The following RPS6KA4 variants were observed in gnomAD, a reference collection of about 807,000 sequenced individuals.
The protein encoded by RPS6KA4 is ribosomal protein S6 kinase alpha-4.
In RPS6KA4, 38 loss-of-function variants were observed where a neutral mutation model predicts 89.6. That is an observed-to-expected ratio of 0.42 (90% CI 0.33 to 0.56). The LOEUF (loss-of-function observed/expected upper bound fraction) is 0.56, where lower values mean the gene tolerates loss of function less well. Ranked by LOEUF, RPS6KA4 falls within the 20% of genes least tolerant of loss-of-function variation. RPS6KA4 has a pLI of 0.07. For synonymous variants in RPS6KA4, 495 were observed against 492.8 expected (o/e 1.00, Z -0.06); for missense variants, 873 against 1,098.8 (o/e 0.79, Z 2.90).
At position 64,360,396 on chromosome 11, in the gene RPS6KA4, C is replaced by A; in HGVS notation, c.346+15C>A. ...CCTCATCCTGGGTGAGCGCACACCACATCCCAACGGGGTTGGGGTGGCTGG... is the reference window on the plus strand; with the variant it reads ...CCTCATCCTGGGTGAGCGCACACCAAATCCCAACGGGGTTGGGGTGGCTGG... On this transcript the variant is annotated intron_variant, in intron 3 of 16. Coordinates refer to ENST00000334205, the MANE Select transcript of RPS6KA4 (RefSeq NM_003942.3). 2.6e-6 allele frequency: 4 copies of A among 1,556,318 alleles called. No homozygotes were observed. The highest frequency in any genetic ancestry group is 3.5e-6 in the Non-Finnish European group (4 of 1,149,734).
In RPS6KA4 at chr11:64,371,805, T is replaced by A; in HGVS notation, c.*325T>A. 7.9e-6 allele frequency: 2 copies of A among 254,688 alleles called. No homozygotes were observed. Among genetic ancestry groups the A allele is most frequent in the Non-Finnish European group, 1.5e-5 (2 of 133,294 alleles). 15.8% of individuals were successfully genotyped at this position (254,688 alleles called of 1,614,324 possible). On this transcript the variant is annotated 3_prime_UTR_variant, in exon 17 of 17. Transcript: ENST00000334205. ...GAGCCCCTCCCCCACTTCTAAGCAC[T>A]GAGTTAGGAGTGCTAACTCCTAAAC...
intron 9 of RPS6KA4, 21 bp from the exon 10 acceptor site, chr11:64,368,111 C>T: frequency 6.2e-7 from 1 of 1,612,080 alleles, no homozygotes. Flanking sequence ...CATGCCCATT[C>T]CCCGGACTCC....
chr11:64,366,716 T>C (rs1292214663), intron 9 of RPS6KA4, among the ~76,000 whole-genome samples: 1 of 152,222 alleles, frequency 6.6e-6, no homozygotes, highest in African/African-American at 2.4e-5. Flanking sequence ...ATGGCAAGCT[T>C]CTACCCCTCT....
chr11:64,360,076 C>T (rs771252448), intron 2 of RPS6KA4, 87 bp from the exon 3 acceptor site: 32 of 1,290,140 alleles, frequency 2.5e-5, no homozygotes, highest in Non-Finnish European at 3.3e-5. Flanking sequence ...TTTGCACACC[C>T]TCCTGGGTTG....
chr11:64,370,640 G>A lies in RPS6KA4; in HGVS notation c.2035G>A (p.Ala679Thr). Residue 679 changes from alanine (A) to threonine (T), a missense_variant, in exon 16 of 17, where the codon GCG becomes ACG. By Grantham distance (58) the Ala-to-Thr change is moderately conservative. Transcript: ENST00000334205. The surrounding 1 kb of genome is among the most constrained non-coding windows in gnomAD (Gnocchi z 4.1). ...CAGCTCGTGGCTGCAGGACGGCAGC[G>A]CGCGCTCCTCGCCCCCGCTCCGGAC... The part of the protein sequence containing the change: ...RGSSWLQDGS[A>T]RSSPPLRTPD... 10 of 1,574,534 alleles carry A rather than the reference G, an allele frequency of 6.4e-6. No individual in the cohort carries two copies. The highest frequency in any genetic ancestry group is 3.5e-5 in the Admixed American group (2 of 56,994).
At chr11:64,364,157 A>AT (rs57640367) in intron 8 of RPS6KA4, among the ~76,000 whole-genome samples, 6 of 143,122 alleles carry the variant, frequency 4.2e-5, no homozygotes, top group African/African-American at 1.5e-4. Context: ...TTTTTTTTTA[A>AT]TTTTTTTTTT....
intron 2 of RPS6KA4, 60 bp from the exon 3 acceptor site, chr11:64,360,103 C>T (rs1300646430): frequency 1.4e-6 from 2 of 1,480,456 alleles, no homozygotes; most frequent in Non-Finnish European, 1.8e-6. Flanking sequence ...CCCCCACCCC[C>T]CAAGCCTGCA....
At position 64,371,312 on chromosome 11, in the gene RPS6KA4, C is replaced by G. The variant is rs1197280301; in HGVS notation, c.2151C>G (p.Phe717Leu). 6.2e-7 allele frequency: 1 copy of G among 1,612,846 alleles called. No individual in the cohort carries two copies. Among genetic ancestry groups the G allele is most frequent in the Non-Finnish European group, 8.5e-7 (1 of 1,179,938 alleles). ...TCAACCGGGGCAAGCGGGAGGGCTT[C>G]TTCCTGAAGAGCGTGGAGAATGCAC... ...MAFNRGKREGFFLKSVENAPL... is the reference protein window; with the variant it reads ...MAFNRGKREGLFLKSVENAPL... Residue 717 changes from phenylalanine to leucine, a missense_variant, in exon 17 of 17, where the codon TTC (phenylalanine) becomes TTG (leucine). Coordinates refer to ENST00000334205, the MANE Select transcript of RPS6KA4 (RefSeq NM_003942.3).
At chr11:64,364,118 T>C (rs1214025964) in intron 8 of RPS6KA4, among the ~76,000 whole-genome samples, 1 of 151,702 alleles carries the variant, frequency 6.6e-6, no homozygotes, top group African/African-American at 2.4e-5. Flanking sequence ...CACATTGTCT[T>C]CAGGAATCCA....
Position 64,361,982 on chromosome 11 carries a change from C to T in RPS6KA4, c.886C>T (p.Arg296Trp), listed in dbSNP as rs773514684. 6.2e-6 allele frequency: 10 copies of T among 1,610,198 alleles called. 1 individual carries two copies. Among genetic ancestry groups the T allele is most frequent in the South Asian group, 2.2e-5 (2 of 90,786 alleles). Residue 296 changes from arginine (R) to tryptophan (W), a missense_variant, in exon 8 of 17, where the codon CGG (arginine) becomes TGG (tryptophan). Arg to Trp is a moderately radical substitution (Grantham distance 101). Transcript: ENST00000334205. The surrounding 1 kb of genome is among the most constrained non-coding windows in gnomAD (Gnocchi z 4.7). Reference protein sequence around the residue: ...GAGPQGAQEVRNHPFFQGLDW... With the variant: ...GAGPQGAQEVWNHPFFQGLDW... Reference sequence around the variant, plus strand: ...GGGGCCCCAGGGGGCACAAGAAGTCCGGAACCATCCCTTCTTCCAGGTGAG... The same window carrying T: ...GGGGCCCCAGGGGGCACAAGAAGTCTGGAACCATCCCTTCTTCCAGGTGAG...
At chr11:64,369,982 T>A in intron 14 of RPS6KA4, 89 bp downstream of exon 14, 1 of 1,343,368 alleles carries the variant, frequency 7.4e-7, no homozygotes, top group South Asian at 1.5e-5. Context: ...GGGACAGGGG[T>A]CATCTTGGTG....
intron 3 of RPS6KA4, 35 bp from the exon 4 acceptor site, chr11:64,360,442 C>T: frequency 1.3e-6 from 2 of 1,595,414 alleles, no homozygotes; most frequent in Non-Finnish European, 8.5e-7. Context: ...GGCCACCTGA[C>T]GGGGCTGCTT....
At chr11:64,366,695 C>T (rs1351993691) in intron 9 of RPS6KA4, among the ~76,000 whole-genome samples, 1 of 152,216 alleles carries the variant, frequency 6.6e-6, no homozygotes, top group Non-Finnish European at 1.5e-5. Flanking sequence ...ACATTCTCTA[C>T]AGCAGTCTAC....
Position 64,359,304 on chromosome 11 carries a change from C to A in RPS6KA4, c.55+14C>A. ...GGATCACAGAAGGTGGGTGTGGGGC[C>A]TGACTGCGGCTGCCCGGGGCAGGCC... On this transcript the variant is annotated intron_variant, in intron 1 of 16. Coordinates refer to ENST00000334205, the MANE Select transcript of RPS6KA4 (RefSeq NM_003942.3). The A allele has an allele frequency of 6.3e-7, 1 of 1,597,572 alleles. No homozygotes were observed. The highest frequency in any genetic ancestry group is 8.5e-7 in the Non-Finnish European group (1 of 1,171,908).
chr11:64,368,431 G>T (rs1565072837), intron 10 of RPS6KA4, 37 bp from the exon 11 acceptor site: 1 of 1,543,378 alleles, frequency 6.5e-7, no homozygotes. Context: ...GACCTCTGAC[G>T]CGCCGCCTTC....
chr11:64,360,155 T>A lies in RPS6KA4; in HGVS notation c.128-8T>A. 6.5e-7 allele frequency: 1 copy of A among 1,541,486 alleles called. No homozygotes were observed. The highest frequency in any genetic ancestry group is 8.7e-7 in the Non-Finnish European group (1 of 1,143,368). ...AGCCCACCCTCCACCCACTCGCTGCTCCCACAGCCTACGGCAAGGTGTTCC... is the reference window on the plus strand; with the variant it reads ...AGCCCACCCTCCACCCACTCGCTGCACCCACAGCCTACGGCAAGGTGTTCC... On this transcript the variant is annotated splice_polypyrimidine_tract_variant and splice_region_variant and intron_variant, in intron 2 of 16. Transcript: ENST00000334205.
In RPS6KA4 at chr11:64,359,391, G is replaced by C; in HGVS notation, c.69G>C (p.Gly23=). ...ELRITEANLT[G]HEEKVSVENF... ...CTGTGCCCACAGCCAACCTGACCGG[G>C]CACGAGGAGAAGGTGAGCGTGGAGA... The change falls in exon 2 of 17, where the codon GGG becomes GGC. Residue 23 remains glycine, a synonymous_variant. Transcript: ENST00000334205. The C allele has an allele frequency of 6.2e-7, 1 of 1,613,572 alleles. No individual in the cohort carries two copies. Among genetic ancestry groups the C allele is most frequent in the Non-Finnish European group, 8.5e-7 (1 of 1,179,798 alleles).
rs565759485 is a variant in RPS6KA4, at chr11:64,368,433, G to A, written c.1201-35G>A. 7.1e-6 allele frequency: 11 copies of A among 1,541,454 alleles called. No individual in the cohort carries two copies. In the East Asian group the frequency reaches 1.7e-4, roughly 24 times the overall value. ...GGCTACCAGGTGGGACCTCTGACGCGCCGCCTTCGCCTTCGCCTTCGCCTT... is the reference window on the plus strand; with the variant it reads ...GGCTACCAGGTGGGACCTCTGACGCACCGCCTTCGCCTTCGCCTTCGCCTT... On this transcript the variant is annotated intron_variant, in intron 10 of 16. Coordinates refer to ENST00000334205, the MANE Select transcript of RPS6KA4 (RefSeq NM_003942.3).
Position 64,370,550 on chromosome 11 carries a change from GC to G in RPS6KA4, c.1958-9del. On this transcript the variant is annotated splice_polypyrimidine_tract_variant and intron_variant, in intron 15 of 16. Coordinates refer to ENST00000334205, the MANE Select transcript of RPS6KA4 (RefSeq NM_003942.3). The surrounding 1 kb of genome is among the most constrained non-coding windows in gnomAD (Gnocchi z 4.1). ...GCCAGGCTCCTCCCCACACTTCCTTGCCCCGCCTCCAGGGCTCCTGACCGTG... is the reference window on the plus strand; with the variant it reads ...GCCAGGCTCCTCCCCACACTTCCTTGCCCGCCTCCAGGGCTCCTGACCGTG... The G allele has an allele frequency of 6.3e-7, 1 of 1,588,918 alleles. No homozygotes were observed. The highest frequency in any genetic ancestry group is 8.5e-7 in the Non-Finnish European group (1 of 1,173,066).
Sources: gnomAD v4.1 joint callset for allele counts (sites outside exome capture counted in the v4.1 genomes callset) on GRCh38, gnomAD v4.1.1 for gene constraint, Gnocchi (gnomAD v3.1) non-coding constraint, MANE v1.5 for transcripts, NCBI Gene and HGNC (gene_info 2026-07-23, HGNC 2026-07-21) for gene names.